Variants in CAMKMT observed in about 807,000 individuals in gnomAD.
CAMKMT encodes calmodulin-lysine N-methyltransferase, also known as CaM KMT.
CAMKMT carries 53 observed loss-of-function variants against 48.0 expected under a neutral mutation model. That is an observed-to-expected ratio of 1.10 (90% CI 0.89 to 1.39). The LOEUF is 1.39. Ranked by LOEUF, CAMKMT falls within the 40% of genes most tolerant of loss-of-function variation. The pLI is 0.00. For synonymous variants in CAMKMT, 165 were observed against 152.3 expected (o/e 1.08, Z -0.61); for missense variants, 428 against 402.7 (o/e 1.06, Z -0.54).
At chr2:44,574,411 G>A (rs935341609) in intron 3 of CAMKMT, among the ~76,000 whole-genome samples, 2 of 152,160 alleles carry the variant, frequency 1.3e-5, no homozygotes, top group Non-Finnish European at 2.9e-5. Context: ...GCAGATTTAG[G>A]CTGGCAGGAA....
chr2:44,683,739 C>T (rs1323123140), intron 3 of CAMKMT, among the ~76,000 whole-genome samples: 3 of 135,134 alleles, frequency 2.2e-5, no homozygotes, highest in African/African-American at 8.4e-5. Flanking sequence ...AGGAGAAGGG[C>T]GTGAACCCAG....
At chr2:44,521,284 TA>T (rs749688757) in intron 3 of CAMKMT, among the ~76,000 whole-genome samples, 7 of 152,090 alleles carry the variant, frequency 4.6e-5, no homozygotes, top group Non-Finnish European at 7.4e-5. Flanking sequence ...ATTATCCCAA[TA>T]TTTTTTTTTT....
chr2:44,765,039 A>G (rs575361158), intron 9 of CAMKMT, among the ~76,000 whole-genome samples: 1 of 152,274 alleles, frequency 6.6e-6, no homozygotes, highest in Admixed American at 6.5e-5. Context: ...CCTGGTCAAC[A>G]TGGCGAAACC....
At chr2:44,377,823 C>A (rs1199597650) in intron 2 of CAMKMT, among the ~76,000 whole-genome samples, 2 of 151,942 alleles carry the variant, frequency 1.3e-5, no homozygotes, top group African/African-American at 4.8e-5. Context: ...TGCACTACAC[C>A]GAGATCATAC....
intron 3 of CAMKMT, among the ~76,000 whole-genome samples, chr2:44,455,384 C>G (rs575262784): frequency 6.6e-6 from 1 of 151,990 alleles, no homozygotes; most frequent in Non-Finnish European, 1.5e-5. Flanking sequence ...CTGAGCAGTG[C>G]AGGAAGAAGA....
chr2:44,645,813 T>C (rs544885011), intron 3 of CAMKMT, among the ~76,000 whole-genome samples: 1 of 152,192 alleles, frequency 6.6e-6, no homozygotes, highest in Non-Finnish European at 1.5e-5. Flanking sequence ...AGAGCAAGAC[T>C]CCATCTCAAA....
chr2:44,588,620 C>T (rs1467259632), intron 3 of CAMKMT, among the ~76,000 whole-genome samples: 5 of 42,038 alleles, frequency 1.2e-4, no homozygotes, highest in African/African-American at 2.0e-4. Context: ...GCCCCCCGCC[C>T]GGCCAGCCGC....
At chr2:44,412,211 C>T (rs1473996276) in intron 3 of CAMKMT, among the ~76,000 whole-genome samples, 1 of 152,134 alleles carries the variant, frequency 6.6e-6, no homozygotes, top group Non-Finnish European at 1.5e-5. Flanking sequence ...TTATTCTGTA[C>T]ACCCCCTGCG....
At chr2:44,625,444 T>C (rs1405670146) in intron 3 of CAMKMT, among the ~76,000 whole-genome samples, 2 of 152,098 alleles carry the variant, frequency 1.3e-5, no homozygotes, top group African/African-American at 2.4e-5. Flanking sequence ...GTATTGCAGA[T>C]TTTTTCCCAG....
chr2:44,750,935 C>G (rs1215227572), intron 8 of CAMKMT, among the ~76,000 whole-genome samples: 3 of 152,122 alleles, frequency 2.0e-5, no homozygotes, highest in Non-Finnish European at 4.4e-5. Context: ...ATCGCTTGAA[C>G]CCAGGAGGTG....
At chr2:44,428,360 G>T (rs778411159) in intron 3 of CAMKMT, among the ~76,000 whole-genome samples, 1 of 152,164 alleles carries the variant, frequency 6.6e-6, no homozygotes, top group Non-Finnish European at 1.5e-5. Context: ...TCTTCTCGAC[G>T]TTCAGACACA....
At chr2:44,709,350 C>A (rs1460047897) in intron 6 of CAMKMT, among the ~76,000 whole-genome samples, 1 of 152,114 alleles carries the variant, frequency 6.6e-6, no homozygotes, top group African/African-American at 2.4e-5. Context: ...AGGATGCAGA[C>A]CAAAACTGGT....
At chr2:44,655,086 G>A (rs1674302608) in intron 3 of CAMKMT, among the ~76,000 whole-genome samples, 1 of 152,136 alleles carries the variant, frequency 6.6e-6, no homozygotes, top group Admixed American at 6.5e-5. Context: ...TACAATTGCT[G>A]AATTTAAAAT....
At chr2:44,376,027 A>T (rs899839929) in intron 2 of CAMKMT, among the ~76,000 whole-genome samples, 29 of 151,102 alleles carry the variant, frequency 1.9e-4, no homozygotes, top group African/African-American at 7.0e-4. Context: ...AAATCAAGTG[A>T]TCCACCTGCC....
At chr2:44,456,521 T>C in intron 3 of CAMKMT, 1 of 1,544,716 alleles carries the variant, frequency 6.5e-7, no homozygotes, top group South Asian at 1.2e-5. Context: ...AAGCTTTAAC[T>C]ACAGCCAAGT....
chr2:44,539,002 G>GTA (rs1296624394), intron 3 of CAMKMT, among the ~76,000 whole-genome samples: 1 of 111,622 alleles, frequency 9.0e-6, no homozygotes, highest in Admixed American at 9.3e-5. Context: ...GTGTGTGTGT[G>GTA]TATGTATATA....
At chr2:44,556,880 C>G (rs1199640835) in intron 3 of CAMKMT, among the ~76,000 whole-genome samples, 1 of 151,902 alleles carries the variant, frequency 6.6e-6, no homozygotes, top group East Asian at 1.9e-4. Flanking sequence ...AAATTTGAGA[C>G]CAGCCTGGCA....
intron 4 of CAMKMT, 43 bp from the exon 5 acceptor site, chr2:44,706,244 A>T (rs1228949431): frequency 2.9e-5 from 47 of 1,601,526 alleles, no homozygotes; most frequent in Non-Finnish European, 4.0e-5. Flanking sequence ...GACCATTTTC[A>T]TCTAATTTGT....
chr2:44,765,216 G>T (rs903791799), intron 9 of CAMKMT, among the ~76,000 whole-genome samples: 1 of 151,696 alleles, frequency 6.6e-6, no homozygotes, highest in African/African-American at 2.4e-5. Context: ...TGACAGAGTG[G>T]GACTCTGTCT....
Sources: allele counts gnomAD v4.1 joint callset (sites outside exome capture counted in the v4.1 genomes callset), GRCh38; gene constraint gnomAD v4.1.1; transcripts MANE v1.5; gene names NCBI Gene and HGNC (gene_info 2026-07-23, HGNC 2026-07-21).